ATP8A2: variants seen among roughly 807,000 people sequenced by gnomAD.
ATP8A2 encodes phospholipid-transporting ATPase IB.
In ATP8A2, 100 loss-of-function variants were observed where a neutral mutation model predicts 165.6. The observed-to-expected ratio is 0.60, with a 90% CI of 0.51 to 0.71. ATP8A2 has a LOEUF of 0.71. ATP8A2 is among the 30% of genes least tolerant of loss of function. ATP8A2 has a pLI of 0.00. For synonymous variants in ATP8A2, 543 were observed against 548.8 expected, an observed-to-expected ratio of 0.99 and a Z score of 0.15; for missense variants, 1,227 against 1,479.5, an observed-to-expected ratio of 0.83 and a Z score of 2.80.
At chr13:25,721,648 T>C (rs925795922) in intron 25 of ATP8A2, among the ~76,000 whole-genome samples, 1 of 152,226 alleles carries the variant, frequency 6.6e-6, no homozygotes, top group Non-Finnish European at 1.5e-5. Flanking sequence ...TTCCCATTTC[T>C]ATAGATTTGC....
chr13:25,961,175 A>G (rs1488522835), intron 33 of ATP8A2, among the ~76,000 whole-genome samples: 1 of 152,188 alleles, frequency 6.6e-6, no homozygotes, highest in Admixed American at 6.5e-5. Flanking sequence ...GGCTCCATGA[A>G]TGAACGGGCA....
intron 1 of ATP8A2, among the ~76,000 whole-genome samples, chr13:25,457,214 G>A (rs1463773414): frequency 6.6e-6 from 1 of 152,102 alleles, no homozygotes. Flanking sequence ...TGGCTACTGG[G>A]ATTTCTTTTT....
intron 27 of ATP8A2, among the ~76,000 whole-genome samples, chr13:25,783,340 A>G (rs1014695365): frequency 6.6e-6 from 1 of 152,216 alleles, no homozygotes; most frequent in Admixed American, 6.5e-5. Context: ...TACTTAGAGA[A>G]GTTTCCCATT....
At chr13:25,557,754 A>G (rs1039937157) in intron 13 of ATP8A2, among the ~76,000 whole-genome samples, 17 of 152,208 alleles carry the variant, frequency 1.1e-4, no homozygotes, top group African/African-American at 4.1e-4. Flanking sequence ...AGAAGTACCC[A>G]TGGATGCTTC....
At chr13:25,880,064 C>G (rs60904594) in intron 33 of ATP8A2, among the ~76,000 whole-genome samples, 5 of 152,168 alleles carry the variant, frequency 3.3e-5, no homozygotes, top group Non-Finnish European at 7.4e-5. Context: ...AAAGCCACAG[C>G]GGCGTAGGCC....
At chr13:25,456,587 G>A (rs2035369265) in intron 1 of ATP8A2, among the ~76,000 whole-genome samples, 1 of 152,186 alleles carries the variant, frequency 6.6e-6, no homozygotes, top group Non-Finnish European at 1.5e-5. Context: ...GAAAGCCTGG[G>A]CTGTGTCTTA....
intron 33 of ATP8A2, among the ~76,000 whole-genome samples, chr13:25,888,068 A>ACCCCCCCCCCCCCC (rs71080210): frequency 1.7e-4 from 18 of 105,578 alleles, no homozygotes; most frequent in Non-Finnish European, 2.4e-4. Context: ...AAGAACCCAG[A>ACCCCCCCCCCCCCC]CCCCCCCCCC....
At chr13:25,516,527 T>C (rs543309920) in intron 2 of ATP8A2, among the ~76,000 whole-genome samples, 2 of 152,212 alleles carry the variant, frequency 1.3e-5, no homozygotes, top group Non-Finnish European at 2.9e-5. Context: ...TGTTAGAGTT[T>C]CACACGCTGA....
At chr13:25,734,423 A>G (rs1487467097) in intron 25 of ATP8A2, among the ~76,000 whole-genome samples, 1 of 152,230 alleles carries the variant, frequency 6.6e-6, no homozygotes, top group Non-Finnish European at 1.5e-5. Flanking sequence ...AACACAGAAC[A>G]GTAGGTAACA....
At chr13:25,738,660 T>A (rs1226058517) in intron 25 of ATP8A2, among the ~76,000 whole-genome samples, 1 of 152,202 alleles carries the variant, frequency 6.6e-6, no homozygotes, top group Non-Finnish European at 1.5e-5. Context: ...TCACAGTTTC[T>A]CAATTTACAT....
At chr13:25,853,091 A>G (rs1952050460) in intron 30 of ATP8A2, among the ~76,000 whole-genome samples, 1 of 151,864 alleles carries the variant, frequency 6.6e-6, no homozygotes, top group African/African-American at 2.4e-5. Flanking sequence ...TATATAAGAT[A>G]TTTTTTAAAC....
intron 27 of ATP8A2, among the ~76,000 whole-genome samples, chr13:25,798,550 A>G (rs1950544305): frequency 6.6e-6 from 1 of 152,222 alleles, no homozygotes; most frequent in Admixed American, 6.5e-5. Context: ...TCAATAGATA[A>G]AAACTATTGC....
At chr13:25,554,884 A>G in intron 12 of ATP8A2, 107 bp from the exon 13 acceptor site, 1 of 707,328 alleles carries the variant, frequency 1.4e-6, no homozygotes, top group Non-Finnish European at 2.3e-6. Context: ...TATTAAAATA[A>G]AAGGGTTTTA....
At chr13:25,671,873 C>T (rs1039327360) in intron 24 of ATP8A2, among the ~76,000 whole-genome samples, 2 of 152,206 alleles carry the variant, frequency 1.3e-5, no homozygotes, top group African/African-American at 4.8e-5. Flanking sequence ...CACTCCCTCC[C>T]CTTTTGAAAC....
At chr13:25,456,796 G>A (rs1224763827) in intron 1 of ATP8A2, among the ~76,000 whole-genome samples, 1 of 152,162 alleles carries the variant, frequency 6.6e-6, no homozygotes, top group Non-Finnish European at 1.5e-5. Context: ...TTATGGTGAC[G>A]GAATGACTTC....
chr13:25,544,192 A>G (rs929904611), intron 10 of ATP8A2, among the ~76,000 whole-genome samples: 2 of 152,234 alleles, frequency 1.3e-5, no homozygotes, highest in African/African-American at 4.8e-5. Flanking sequence ...ATCCTCGGGG[A>G]GCCAGTTGGG....
intron 33 of ATP8A2, among the ~76,000 whole-genome samples, chr13:25,943,629 A>G (rs1455642813): frequency 6.6e-6 from 1 of 152,192 alleles, no homozygotes; most frequent in Non-Finnish European, 1.5e-5. Flanking sequence ...ATGTGTCTCT[A>G]TTGTTAAGCA....
chr13:25,389,482 G>A (rs1048782639), intron 1 of ATP8A2, among the ~76,000 whole-genome samples: 9 of 152,200 alleles, frequency 5.9e-5, no homozygotes, highest in African/African-American at 2.2e-4. Context: ...GTTAGTCAGG[G>A]ACAAATGAAC....
chr13:25,694,289 TTTCCCTCC>T (rs1222315759), intron 24 of ATP8A2, among the ~76,000 whole-genome samples: 8 of 152,208 alleles, frequency 5.3e-5, no homozygotes, highest in African/African-American at 1.9e-4. Context: ...TTCCTCACTC[TTTCCCTCC>T]TTGGATCCAC....
Sources: gnomAD v4.1 joint callset for allele counts (sites outside exome capture counted in the v4.1 genomes callset) on GRCh38, gnomAD v4.1.1 for gene constraint, MANE v1.5 for transcripts, NCBI Gene and HGNC (gene_info 2026-07-23, HGNC 2026-07-21) for gene names.